TINAG: variants seen among roughly 807,000 people sequenced by gnomAD.
TINAG encodes tubulointerstitial nephritis antigen.
TINAG carries 83 observed loss-of-function variants against 72.7 expected under a neutral mutation model. The observed-to-expected ratio is 1.14, with a 90% CI of 0.96 to 1.37. The LOEUF (loss-of-function observed/expected upper bound fraction) is 1.37, where lower values mean the gene tolerates loss of function less well. Among genes scored for constraint, TINAG ranks in the 40% most tolerant of loss-of-function variants. The pLI is 0.00. For synonymous variants in TINAG, 234 were observed against 189.9 expected, an observed-to-expected ratio of 1.23 and a Z score of -1.91; for missense variants, 685 against 576.6, an observed-to-expected ratio of 1.19 and a Z score of -1.93.
chr6:54,360,841 G>GTTTTTCTTTTTTTTTTTTTTTTTTT (rs1763205873), intron 9 of TINAG, among the ~76,000 whole-genome samples: 1 of 26,242 alleles, frequency 3.8e-5, no homozygotes, highest in South Asian at 2.3e-3. Context: ...CAGATACTGT[G>GTTTTTCTTTTTTTTTTTTTTTTTTT]TTTTTTTTTT....
chr6:54,347,618 A>G, intron 6 of TINAG, 101 bp downstream of exon 6: 1 of 1,182,756 alleles, frequency 8.5e-7, no homozygotes. Flanking sequence ...AAGTACTTAA[A>G]AATATATATA....
chr6:54,383,020 G>A (rs961993997), intron 10 of TINAG, among the ~76,000 whole-genome samples: 2 of 152,072 alleles, frequency 1.3e-5, no homozygotes, highest in Non-Finnish European at 2.9e-5. Context: ...AATACCAAAG[G>A]ATATAATGTC....
chr6:54,351,914 C>A (rs1014028721), intron 8 of TINAG, among the ~76,000 whole-genome samples: 41 of 151,870 alleles, frequency 2.7e-4, no homozygotes, highest in African/African-American at 9.2e-4. Flanking sequence ...CAATTTTGAT[C>A]AATTTTGTAA....
intron 9 of TINAG, among the ~76,000 whole-genome samples, chr6:54,361,582 G>A (rs1763239554): frequency 6.6e-6 from 1 of 151,656 alleles, no homozygotes; most frequent in African/African-American, 2.4e-5. Context: ...CCATAATACT[G>A]GGGATTGTAA....
chr6:54,310,855 C>T (rs190045655), intron 1 of TINAG, among the ~76,000 whole-genome samples: 7 of 144,970 alleles, frequency 4.8e-5, no homozygotes, highest in African/African-American at 1.0e-4. Flanking sequence ...CTCTTTCTCT[C>T]GCTCTTTCTT....
intron 9 of TINAG, among the ~76,000 whole-genome samples, chr6:54,373,749 T>C (rs905852810): frequency 7.2e-5 from 11 of 152,032 alleles, no homozygotes; most frequent in African/African-American, 2.2e-4. Context: ...CTGTAAACCA[T>C]AGCTGGCCAA....
At chr6:54,321,833 A>T (rs1303144084) in intron 3 of TINAG, among the ~76,000 whole-genome samples, 2 of 152,228 alleles carry the variant, frequency 1.3e-5, no homozygotes, top group Admixed American at 1.3e-4. Flanking sequence ...TTTCACTGAA[A>T]TGATGGGTAT....
At chr6:54,330,622 A>T (rs1784715546) in intron 4 of TINAG, among the ~76,000 whole-genome samples, 1 of 152,176 alleles carries the variant, frequency 6.6e-6, no homozygotes. Flanking sequence ...GAAATGAAGG[A>T]GATAGAGACA....
intron 3 of TINAG, among the ~76,000 whole-genome samples, chr6:54,322,914 C>T (rs185738473): frequency 1.3e-5 from 2 of 152,314 alleles, no homozygotes; most frequent in East Asian, 1.9e-4. Context: ...GGTTCAAATG[C>T]TAGACCTAAT....
intron 8 of TINAG, among the ~76,000 whole-genome samples, chr6:54,351,655 A>T (rs572439043): frequency 1.3e-5 from 2 of 152,058 alleles, no homozygotes; most frequent in Admixed American, 1.3e-4. Context: ...TTTGATGAAT[A>T]ACTCCGAAAT....
chr6:54,390,011 A>G lies in TINAG; in HGVS notation c.*86A>G, dbSNP rs1198060223. Reference sequence around the variant, plus strand: ...AATATGACATTCTTGGTGACAGTGGAATCTTTGTCTCTTCACCGTGTTAAC... The same window carrying G: ...AATATGACATTCTTGGTGACAGTGGGATCTTTGTCTCTTCACCGTGTTAAC... On this transcript the variant is annotated 3_prime_UTR_variant, in exon 11 of 11. Coordinates refer to ENST00000259782, the MANE Select transcript of TINAG (RefSeq NM_014464.4). 2 of 1,521,258 alleles carry G rather than the reference A, an allele frequency of 1.3e-6. No homozygotes were observed. The highest frequency in any genetic ancestry group is 2.8e-5 in the African/African-American group (2 of 70,916). 94.2% of individuals were successfully genotyped at this position (1,521,258 alleles called of 1,614,324 possible).
At chr6:54,376,583 C>T (rs915249931) in intron 9 of TINAG, among the ~76,000 whole-genome samples, 2 of 151,932 alleles carry the variant, frequency 1.3e-5, no homozygotes, top group African/African-American at 4.8e-5. Context: ...TTATTCTGTT[C>T]CAATAATTTT....
chr6:54,312,001 T>C (rs938674584), intron 1 of TINAG, among the ~76,000 whole-genome samples: 13 of 152,194 alleles, frequency 8.5e-5, no homozygotes, highest in African/African-American at 2.9e-4. Flanking sequence ...CATAGTGGCC[T>C]TATAATACTC....
intron 9 of TINAG, among the ~76,000 whole-genome samples, chr6:54,364,321 G>T (rs1763338392): frequency 6.6e-6 from 1 of 151,288 alleles, no homozygotes; most frequent in Non-Finnish European, 1.5e-5. Context: ...GCAATAAAAA[G>T]TCAGAAACGA....
intron 9 of TINAG, among the ~76,000 whole-genome samples, chr6:54,375,602 A>T (rs1407729958): frequency 2.0e-5 from 3 of 152,214 alleles, no homozygotes; most frequent in Non-Finnish European, 4.4e-5. Flanking sequence ...TAGTTCTCAA[A>T]CTTGTTCCCT....
intron 6 of TINAG, among the ~76,000 whole-genome samples, chr6:54,348,389 T>TA (rs1198007420): frequency 6.6e-6 from 1 of 152,110 alleles, no homozygotes; most frequent in South Asian, 2.1e-4. Flanking sequence ...TTTAAGAACT[T>TA]AAAAATGTAA....
In TINAG at chr6:54,358,534, C is replaced by CAAAAA. The variant is rs34091915; in HGVS notation, c.1250+3911_1250+3915dup. On this transcript the variant is annotated intron_variant, in intron 9 of 10. Coordinates refer to ENST00000259782, the MANE Select transcript of TINAG (RefSeq NM_014464.4). ...ATATTTACATGGAGAAGTTATTCGT[C>CAAAAA]AAAAAAAAAAAAAAAAAGATTAGGG... Among the ~76,000 whole-genome samples, 445 of 112,892 alleles carry CAAAAA rather than the reference C, an allele frequency of 3.9e-3. 4 individuals are homozygous for CAAAAA. Among genetic ancestry groups the CAAAAA allele is most frequent in the East Asian group, 2.7e-3 (11 of 4,068 alleles). 74.1% of individuals were successfully genotyped at this position (112,892 alleles called of 152,430 possible). A position where few individuals can be genotyped will look rare whatever the true frequency, so the allele number is the denominator to read the frequency against.
chr6:54,329,214 G>A (rs1174256744), intron 4 of TINAG, among the ~76,000 whole-genome samples: 1 of 152,014 alleles, frequency 6.6e-6, no homozygotes, highest in Non-Finnish European at 1.5e-5. Flanking sequence ...ATGTTAAGAA[G>A]AGTCAGATAG....
chr6:54,389,392 T>C (rs1477463737), intron 10 of TINAG, among the ~76,000 whole-genome samples: 4 of 152,190 alleles, frequency 2.6e-5, no homozygotes, highest in Non-Finnish European at 2.9e-5. Context: ...TGTTGGTCAT[T>C]CTTCATTAGA....
Sources: allele counts gnomAD v4.1 joint callset (sites outside exome capture counted in the v4.1 genomes callset), GRCh38; gene constraint gnomAD v4.1.1; transcripts MANE v1.5; gene names NCBI Gene and HGNC (gene_info 2026-07-23, HGNC 2026-07-21).